DMD: variants seen among roughly 807,000 people sequenced by gnomAD.
DMD encodes mutant dystrophin.
Under a neutral mutation model 330.1 loss-of-function variants are expected in DMD, and 63 were observed. The ratio of observed to expected loss-of-function variants is 0.19; its 90% CI spans 0.16 to 0.24. DMD has a LOEUF of 0.24. Among genes scored for constraint, DMD ranks in the 10% least tolerant of loss-of-function variants. The pLI is 1.00. For missense variants in DMD, 3,344 were observed against 2,684.1 expected (o/e 1.25, Z -5.43); for synonymous variants, 1,223 against 959.8 (o/e 1.27, Z -5.07).
chrX:32,189,187 A>T (rs1008503039), intron 44 of DMD, among the ~76,000 whole-genome samples: 1 of 110,681 alleles, frequency 9.0e-6, no homozygotes, highest in Non-Finnish European at 1.9e-5. Context: ...TTCTTTAAAA[A>T]TATTTCTTCT....
chrX:33,007,160 C>A (rs2093413249), intron 2 of DMD, among the ~76,000 whole-genome samples: 1 of 110,711 alleles, frequency 9.0e-6, no homozygotes, highest in African/African-American at 3.3e-5. Context: ...CTCTCAAAAT[C>A]TCCTAATCTC....
At chrX:32,543,054 A>T (rs1220270679) in intron 17 of DMD, among the ~76,000 whole-genome samples, 1 of 111,919 alleles carries the variant, frequency 8.9e-6, no homozygotes, top group South Asian at 3.7e-4. Context: ...AGCTGTGTAT[A>T]ATTTTATAAA....
At chrX:32,293,907 C>T (rs374546525) in intron 42 of DMD, among the ~76,000 whole-genome samples, 4 of 111,636 alleles carry the variant, frequency 3.6e-5, no homozygotes, top group South Asian at 7.5e-4. Flanking sequence ...TGAACTCAAG[C>T]GTATCTCTAG....
chrX:32,948,113 G>GACACAC (rs3083093), intron 2 of DMD, among the ~76,000 whole-genome samples: 88 of 95,976 alleles, frequency 9.2e-4, no homozygotes, highest in African/African-American at 1.8e-3. Flanking sequence ...GAGAGAAACA[G>GACACAC]ACACACACAC....
chrX:32,466,293 C>A (rs916317227), intron 23 of DMD, among the ~76,000 whole-genome samples: 1 of 111,257 alleles, frequency 9.0e-6, no homozygotes, highest in Non-Finnish European at 1.9e-5. Context: ...CTTTCTTTCT[C>A]GGTATTAGCT....
chrX:31,254,345 C>A (rs1391128470), intron 63 of DMD, among the ~76,000 whole-genome samples: 2 of 111,051 alleles, frequency 1.8e-5, no homozygotes, highest in Non-Finnish European at 3.8e-5. Flanking sequence ...AGACCCCCCC[C>A]CAATAAGACA....
chrX:32,559,721 C>A (rs1184840808), intron 16 of DMD, among the ~76,000 whole-genome samples: 1 of 111,680 alleles, frequency 9.0e-6, no homozygotes, highest in Non-Finnish European at 1.9e-5. Flanking sequence ...TGGCATATTT[C>A]TATTTGCATT....
intron 9 of DMD, among the ~76,000 whole-genome samples, chrX:32,655,792 A>C (rs190751188): frequency 1.7e-4 from 19 of 111,247 alleles, no homozygotes; most frequent in South Asian, 7.7e-4. Context: ...TTGTAGGTCT[A>C]TAAGGACTTG....
intron 17 of DMD, among the ~76,000 whole-genome samples, chrX:32,520,145 T>C (rs962080674): frequency 1.5e-4 from 17 of 112,062 alleles, no homozygotes; most frequent in Admixed American, 9.5e-5. Context: ...TGGATTTTTA[T>C]TGTGTCATAT....
At chrX:32,309,790 T>C (rs2148592883) in intron 42 of DMD, among the ~76,000 whole-genome samples, 1 of 111,253 alleles carries the variant, frequency 9.0e-6, no homozygotes, top group East Asian at 2.8e-4. Context: ...TCCATCAAAG[T>C]TTATTTACTG....
intron 37 of DMD, among the ~76,000 whole-genome samples, chrX:32,356,975 C>T (rs1305025436): frequency 2.7e-5 from 3 of 111,075 alleles, no homozygotes; most frequent in Non-Finnish European, 5.7e-5. Context: ...CTGCAACCTC[C>T]GCCTCCCGGG....
intron 63 of DMD, among the ~76,000 whole-genome samples, chrX:31,243,635 A>C (rs904132602): frequency 1.8e-5 from 2 of 112,984 alleles, no homozygotes; most frequent in Non-Finnish European, 3.7e-5. Flanking sequence ...AGATGGTTTA[A>C]TTTTCCTTGT....
intron 44 of DMD, among the ~76,000 whole-genome samples, chrX:32,007,097 AT>A (rs1268009407): frequency 1.0e-5 from 1 of 99,703 alleles, no homozygotes. Flanking sequence ...GAGGGATAGC[AT>A]TAGGAGATAT....
At chrX:32,503,445 C>T (rs2044263972) in intron 18 of DMD, among the ~76,000 whole-genome samples, 1 of 112,361 alleles carries the variant, frequency 8.9e-6, no homozygotes, top group Non-Finnish European at 1.9e-5. Context: ...CTAGACAACA[C>T]TATTTACTAA....
At chrX:33,037,722 G>A (rs1426452944) in intron 1 of DMD, among the ~76,000 whole-genome samples, 2 of 111,598 alleles carry the variant, frequency 1.8e-5, no homozygotes, top group African/African-American at 6.5e-5. Context: ...GATGGAAACT[G>A]GTAAAGAATA....
chrX:31,846,357 T>C (rs1011455392), intron 48 of DMD, among the ~76,000 whole-genome samples: 2 of 109,720 alleles, frequency 1.8e-5, no homozygotes, highest in African/African-American at 6.6e-5. Context: ...TTACTAGATA[T>C]ATCTTACAAT....
intron 44 of DMD, among the ~76,000 whole-genome samples, chrX:32,196,982 A>T (rs192154468): frequency 1.6e-5 from 1 of 61,723 alleles, no homozygotes; most frequent in East Asian, 4.3e-4. Context: ...GCGAGACTCC[A>T]TCTCAAAAAA....
chrX:31,378,787 T>C (rs750258336), intron 60 of DMD, among the ~76,000 whole-genome samples: 1 of 109,455 alleles, frequency 9.1e-6, no homozygotes, highest in African/African-American at 3.3e-5. Flanking sequence ...CCACCCTCCA[T>C]TCCTCCTTTT....
At position 33,272,700 on chromosome X, in the gene DMD, C is replaced by T. The variant is rs537029206; in HGVS notation, c.7+66559G>A. Among the ~76,000 whole-genome samples, 5 of 107,381 alleles carry T rather than the reference C, an allele frequency of 4.7e-5. No individual in the cohort carries two copies. In the South Asian group the frequency reaches 1.6e-3, roughly 35 times the overall value. The allele number at this position is 107,381 out of a possible 115,157, so 93.2% of individuals were successfully genotyped here. The stretch of plus-strand genomic sequence containing the variant: ...AAAACACACACACACAAGAAAATGA[C>T]GCAGATTGTAATTAGAGGTGGAGCT... On this transcript the variant is annotated intron_variant, in intron 1 of 17. Transcript: ENST00000288447.
Sources: gnomAD v4.1 joint callset for allele counts (sites outside exome capture counted in the v4.1 genomes callset) on GRCh38, gnomAD v4.1.1 for gene constraint, MANE v1.5 for transcripts, NCBI Gene and HGNC (gene_info 2026-07-23, HGNC 2026-07-21) for gene names.